The following TM4SF4 variants were observed in gnomAD, a reference collection of about 807,000 sequenced individuals.
TM4SF4 encodes the protein transmembrane 4 L6 family member 4.
A neutral mutation model predicts 24.1 loss-of-function variants in TM4SF4; 24 were observed. The observed-to-expected ratio is 1.00, with a 90% CI of 0.72 to 1.40. The LOEUF (loss-of-function observed/expected upper bound fraction) is 1.40. Among genes scored for constraint, TM4SF4 ranks in the 40% most tolerant of loss-of-function variants. The pLI, the probability that TM4SF4 is intolerant of heterozygous loss-of-function variation, is 0.00. For synonymous variants in TM4SF4, 113 were observed against 97.0 expected (o/e 1.17, Z -0.97); for missense variants, 254 against 254.2 (o/e 1.00, Z 0.01).
At chr3:149,495,384 G>A in intron 3 of TM4SF4, 1 of 326,236 alleles carries the variant, frequency 3.1e-6, no homozygotes, top group South Asian at 3.0e-5. Context: ...CCTTGCATCT[G>A]CCCCTCCAGA....
chr3:149,490,825 A>C (rs922142170), intron 3 of TM4SF4, among the ~76,000 whole-genome samples: 1 of 152,182 alleles, frequency 6.6e-6, no homozygotes, highest in African/African-American at 2.4e-5. Context: ...GTATGAGCCA[A>C]AAACAAGAAA....
chr3:149,483,082 A>G (rs1734062755), intron 2 of TM4SF4, among the ~76,000 whole-genome samples: 1 of 152,166 alleles, frequency 6.6e-6, no homozygotes, highest in Admixed American at 6.5e-5. Context: ...CTCTGTGACA[A>G]CCTGGACTTT....
intron 2 of TM4SF4, among the ~76,000 whole-genome samples, chr3:149,484,560 T>A (rs1734085770): frequency 6.6e-6 from 1 of 151,024 alleles, no homozygotes. Flanking sequence ...ATTTTTTTTT[T>A]TTTTTTTTGG....
Position 149,496,763 on chromosome 3 carries a change from C to T in TM4SF4, c.402-1959C>T, listed in dbSNP as rs553196488. ...AGCCTGGGCAACAAGAGCGAAACTCCGTCTCAAAAAAATAAAAAAGGACAA... is the reference window on the plus strand; with the variant it reads ...AGCCTGGGCAACAAGAGCGAAACTCTGTCTCAAAAAAATAAAAAAGGACAA... On this transcript the variant is annotated intron_variant, in intron 3 of 4. Coordinates refer to ENST00000305354, the MANE Select transcript of TM4SF4 (RefSeq NM_004617.4). 5.3e-5 allele frequency among the ~76,000 whole-genome samples: 8 copies of T among 151,914 alleles called. No individual in the cohort carries two copies. In the East Asian group the frequency reaches 5.8e-4, roughly 11 times the overall value.
chr3:149,499,530 C>A (rs1376141404), intron 4 of TM4SF4, among the ~76,000 whole-genome samples: 3 of 152,014 alleles, frequency 2.0e-5, no homozygotes, highest in African/African-American at 7.3e-5. Context: ...AACTAATACC[C>A]AAATCAAATT....
chr3:149,486,410 C>T (rs1183296210), intron 2 of TM4SF4, among the ~76,000 whole-genome samples: 1 of 152,154 alleles, frequency 6.6e-6, no homozygotes, highest in Admixed American at 6.5e-5. Context: ...CCCTGTGCTT[C>T]GTCATCAAAG....
At chr3:149,496,766 C>A (rs1489491864) in intron 3 of TM4SF4, among the ~76,000 whole-genome samples, 7 of 151,602 alleles carry the variant, frequency 4.6e-5, no homozygotes, top group African/African-American at 1.7e-4. Context: ...GAAACTCCGT[C>A]TCAAAAAAAT....
At chr3:149,476,350 GC>G (rs1733927874) in intron 2 of TM4SF4, among the ~76,000 whole-genome samples, 1 of 152,180 alleles carries the variant, frequency 6.6e-6, no homozygotes, top group Non-Finnish European at 1.5e-5. Flanking sequence ...TCCCCAGTAG[GC>G]TTCTAGGTTC....
At chr3:149,490,164 A>AG (rs1156277700) in intron 3 of TM4SF4, among the ~76,000 whole-genome samples, 7 of 152,232 alleles carry the variant, frequency 4.6e-5, no homozygotes, top group Admixed American at 3.3e-4. Context: ...AAGGGCATTC[A>AG]GGGGATGGGC....
intron 2 of TM4SF4, among the ~76,000 whole-genome samples, chr3:149,480,790 CT>C (rs1201948654): frequency 6.6e-6 from 1 of 151,984 alleles, no homozygotes; most frequent in Non-Finnish European, 1.5e-5. Flanking sequence ...TTTATTTCTT[CT>C]TTTTTCCAGA....
intron 2 of TM4SF4, among the ~76,000 whole-genome samples, chr3:149,478,684 C>T (rs747367637): frequency 2.0e-5 from 3 of 152,188 alleles, no homozygotes; most frequent in Non-Finnish European, 4.4e-5. Context: ...GCACCTAGCA[C>T]GGCTGCCCTG....
intron 3 of TM4SF4, chr3:149,495,590 C>G (rs954497193): frequency 1.7e-5 from 6 of 350,256 alleles, no homozygotes; most frequent in African/African-American, 1.3e-4. Flanking sequence ...TTTGTAATGG[C>G]AACATTGCTG....
intron 2 of TM4SF4, among the ~76,000 whole-genome samples, chr3:149,477,176 G>A (rs550657745): frequency 2.0e-5 from 3 of 152,240 alleles, no homozygotes; most frequent in East Asian, 3.9e-4. Flanking sequence ...AGGAATGAAT[G>A]CAACGTTGTT....
At chr3:149,478,925 G>A (rs1056550789) in intron 2 of TM4SF4, among the ~76,000 whole-genome samples, 15 of 151,964 alleles carry the variant, frequency 9.9e-5, no homozygotes, top group Admixed American at 9.2e-4. Flanking sequence ...CACCATGCTC[G>A]GCTAATTTTT....
At chr3:149,487,503 G>A in intron 2 of TM4SF4, 116 bp from the exon 3 acceptor site, 1 of 1,295,578 alleles carries the variant, frequency 7.7e-7, no homozygotes, top group South Asian at 1.4e-5. Flanking sequence ...ATAAAGACTA[G>A]CTCCTACTCC....
intron 3 of TM4SF4, chr3:149,495,626 G>C (rs1424320820): frequency 9.0e-6 from 3 of 333,552 alleles, no homozygotes; most frequent in South Asian, 6.8e-5. Context: ...ACCCACCAAT[G>C]GGAGCAGCTG....
At chr3:149,486,636 A>G (rs1473559968) in intron 2 of TM4SF4, among the ~76,000 whole-genome samples, 1 of 152,248 alleles carries the variant, frequency 6.6e-6, no homozygotes, top group Admixed American at 6.5e-5. Flanking sequence ...TGAAAACAAA[A>G]TATGGTAGTC....
intron 4 of TM4SF4, among the ~76,000 whole-genome samples, chr3:149,501,034 A>G (rs1265491756): frequency 3.3e-5 from 5 of 150,516 alleles, no homozygotes; most frequent in African/African-American, 1.2e-4. Context: ...AAAAAAAAAA[A>G]AAAGAGAGAG....
At chr3:149,489,242 T>C (rs1734169964) in intron 3 of TM4SF4, among the ~76,000 whole-genome samples, 1 of 152,192 alleles carries the variant, frequency 6.6e-6, no homozygotes, top group African/African-American at 2.4e-5. Context: ...CCCGCCCCCA[T>C]TGAGGCTCTT....
Sources: gnomAD v4.1 joint callset for allele counts (sites outside exome capture counted in the v4.1 genomes callset) on GRCh38, gnomAD v4.1.1 for gene constraint, MANE v1.5 for transcripts, NCBI Gene and HGNC (gene_info 2026-07-23, HGNC 2026-07-21) for gene names.